Variants in PEX10 observed in about 807,000 individuals in gnomAD.
PEX10 encodes peroxisomal biogenesis factor 10.
A neutral mutation model predicts 38.0 loss-of-function variants in PEX10; 32 were observed. That is an observed-to-expected ratio of 0.84 (90% confidence interval 0.63 to 1.13). The LOEUF is 1.13. Ranked by LOEUF, PEX10 falls within the 50% of genes most tolerant of loss-of-function variation. The probability of loss-of-function intolerance (pLI) is 0.00; values close to 1 mark genes in which losing one functional copy is unlikely to be tolerated. For synonymous variants in PEX10, 206 were observed against 207.3 expected, an observed-to-expected ratio of 0.99 and a Z score of 0.05; for missense variants, 483 against 457.7, an observed-to-expected ratio of 1.06 and a Z score of -0.51.
rs1281302567 is a variant in PEX10, at chr1:2,410,032, AGGGCACTGTCACAC to A, written c.193+325_193+338del. On this transcript the variant is annotated intron_variant, in intron 2 of 5. Transcript: ENST00000447513. The surrounding 1 kb of genome is among the most constrained non-coding windows in gnomAD (Gnocchi z 5.1). Reference sequence around the variant, plus strand: ...GCCACAGACCCACCACTGCTCCACCAGGGCACTGTCACACGGGCACTGCACCCTATGACATGGCT... The same window carrying A: ...GCCACAGACCCACCACTGCTCCACCAGGGCACTGCACCCTATGACATGGCT... 4 of 356,988 alleles carry A rather than the reference AGGGCACTGTCACAC, an allele frequency of 1.1e-5. No homozygotes were observed. The Admixed American group carries it at 1.5e-4, about 14-fold the overall frequency. 22.1% of individuals were successfully genotyped at this position (356,988 alleles called of 1,614,324 possible). A position where few individuals can be genotyped will look rare whatever the true frequency, so the allele number is the denominator to read the frequency against.
At position 2,406,974 on chromosome 1, in the gene PEX10, C is replaced by T. The variant is rs1202019122; in HGVS notation, c.601-79G>A. On this transcript the variant is annotated intron_variant, in intron 3 of 5. Coordinates refer to ENST00000447513, the MANE Select transcript of PEX10 (RefSeq NM_002617.4). ...GCGCCTGCTGGGAGGGTCACACGTT[C>T]AGTTGGCACAGAGCACGTTAGAACC... 1.3e-6 allele frequency: 2 copies of T among 1,545,450 alleles called. No individual in the cohort carries two copies. The highest frequency in any genetic ancestry group is 1.4e-5 in the African/African-American group (1 of 73,050).
Position 2,405,198 on chromosome 1 carries a change from C to T in PEX10, c.*568G>A, listed in dbSNP as rs945561674. ...GAGGTGCTGGCCTTGGTTGGTTTCT[C>T]TCTGCCCCGTGTGGTCATCAAGTCC... On this transcript the variant is annotated 3_prime_UTR_variant, in exon 6 of 6. Transcript: ENST00000447513. 2 of 194,364 alleles carry T rather than the reference C, an allele frequency of 1.0e-5. No individual in the cohort carries two copies. The highest frequency in any genetic ancestry group is 2.4e-5 in the African/African-American group (1 of 42,260). The allele number at this position is 194,364 out of a possible 1,614,324, so 12.0% of individuals were successfully genotyped here.
chr1:2,409,978 C>T lies in PEX10; in HGVS notation c.193+393G>A, dbSNP rs980047274. 5.0e-5 allele frequency: 14 copies of T among 279,332 alleles called. No homozygotes were observed. The highest frequency in any genetic ancestry group is 1.0e-4 in the Non-Finnish European group (14 of 140,342). The allele number at this position is 279,332 out of a possible 1,614,324, so 17.3% of individuals were successfully genotyped here. A position where few individuals can be genotyped will look rare whatever the true frequency, so the allele number is the denominator to read the frequency against. On this transcript the variant is annotated intron_variant, in intron 2 of 5. Transcript: ENST00000447513. This position sits in a 1 kb window ranked among gnomAD's most constrained non-coding sequence, Gnocchi z 6.2. ...GGAGCCTGAGAGCTTCTGTCAACAA[C>T]TCCCTCTAAAGGGTGGTGACCAGCC...
At chr1:2,406,974 C>A in intron 3 of PEX10, 79 bp from the exon 4 acceptor site, 1 of 1,545,568 alleles carries the variant, frequency 6.5e-7, no homozygotes, top group South Asian at 1.2e-5. Context: ...GTCACACGTT[C>A]AGTTGGCACA....
chr1:2,408,676 G>T lies in PEX10; in HGVS notation c.376C>A (p.Pro126Thr), dbSNP rs774301205. 1 of 1,612,418 alleles carries T rather than the reference G, an allele frequency of 6.2e-7. No homozygotes were observed. ...ELQADPDSGR[P>T]LQGSLGPGGR... ...CCTGGCCCCAGGCTCCCCTGCAAGG[G>T]TCGCCCACTGTCGGGGTCAGCCTGC... Residue 126 changes from proline to threonine, a missense_variant, in exon 3 of 6, where the codon CCC (proline) becomes ACC (threonine). Pro to Thr is a conservative substitution (Grantham distance 38). Transcript: ENST00000447513.
In PEX10 at chr1:2,406,465, C is replaced by T; in HGVS notation, c.912+19G>A. ...ACAGCCGCTGACCACCCCAGGACGG[C>T]AGCAGGCTCCCACCTCACCTTGCTG... On this transcript the variant is annotated intron_variant, in intron 5 of 5. Transcript: ENST00000447513. 1 of 1,609,628 alleles carries T rather than the reference C, an allele frequency of 6.2e-7. No individual in the cohort carries two copies. The highest frequency in any genetic ancestry group is 8.5e-7 in the Non-Finnish European group (1 of 1,179,934).
chr1:2,405,659 CTG>C lies in PEX10; in HGVS notation c.*105_*106del, dbSNP rs1174504756. 2.1e-5 allele frequency: 21 copies of C among 1,021,514 alleles called. No homozygotes were observed. In the Admixed American group the frequency reaches 3.0e-4, roughly 14 times the overall value. The allele number at this position is 1,021,514 out of a possible 1,614,324, so 63.3% of individuals were successfully genotyped here. On this transcript the variant is annotated 3_prime_UTR_variant, in exon 6 of 6. Transcript: ENST00000447513. ...GGTTAGTATCTTACATGACAAAAAA[CTG>C]AGAGTGTTCTAACTTCTGTGCAAGC...
At chr1:2,412,288 G>T in intron 1 of PEX10, 103 bp downstream of exon 1, 3 of 1,250,014 alleles carry the variant, frequency 2.4e-6, no homozygotes, top group East Asian at 3.3e-5. Flanking sequence ...GTTGTGGGAC[G>T]GGCCCAGGCG....
rs773164888 is a variant in PEX10, at chr1:2,408,459, AT to A, written c.592del (p.Ile198SerfsTer14). Reference protein sequence around the residue: ...FYHLAKRLTGITYLRVRSLPG... With the variant: ...FYHLAKRLTGXTYLRVRSLPG... Reference sequence around the variant, plus strand: ...TCAGCGCCTGCTACTTACGTACGTGATCCCCGTGAGCCTCTTGGCCAGGTGG... The same window carrying A: ...TCAGCGCCTGCTACTTACGTACGTGACCCCGTGAGCCTCTTGGCCAGGTGG... On this transcript the variant is annotated frameshift_variant, in exon 3 of 6. Transcript: ENST00000447513. LOFTEE classifies it high-confidence loss of function. 1 of 1,612,984 alleles carries A rather than the reference AT, an allele frequency of 6.2e-7. No homozygotes were observed. Among genetic ancestry groups the A allele is most frequent in the Non-Finnish European group, 8.5e-7 (1 of 1,179,994 alleles).
upstream of PEX10, among the ~76,000 whole-genome samples, chr1:2,413,185 G>T (rs1643337984): frequency 6.6e-6 from 1 of 152,228 alleles, no homozygotes; most frequent in Admixed American, 6.5e-5. Flanking sequence ...GCACACGGCC[G>T]GCTTGGTGTG....
At position 2,412,476 on chromosome 1, in the gene PEX10, C is replaced by CG. The variant is rs1553232917; in HGVS notation, c.26dup (p.Glu10GlyfsTer41). 12 of 1,392,800 alleles carry CG rather than the reference C, an allele frequency of 8.6e-6. No individual in the cohort carries two copies. The highest frequency in any genetic ancestry group is 3.1e-5 in the South Asian group (2 of 63,656). The allele number at this position is 1,392,800 out of a possible 1,614,324, so 86.3% of individuals were successfully genotyped here. On this transcript the variant is annotated frameshift_variant, in exon 1 of 6. Transcript: ENST00000447513. LOFTEE classifies it high-confidence loss of function. ...CCTTCTGCGCCGCGCGGATCACCTCCGGGGGGCTGGCGGCGGCCGGGGCCA... is the reference window on the plus strand; with the variant it reads ...CCTTCTGCGCCGCGCGGATCACCTCCGGGGGGGCTGGCGGCGGCCGGGGCCA...
Position 2,405,288 on chromosome 1 carries a change from G to A in PEX10, c.*478C>T. The A allele has an allele frequency of 3.4e-6, 1 of 298,268 alleles. No homozygotes were observed. Among genetic ancestry groups the A allele is most frequent in the Non-Finnish European group, 6.5e-6 (1 of 153,920 alleles). 18.5% of individuals were successfully genotyped at this position (298,268 alleles called of 1,614,324 possible). A position where few individuals can be genotyped will look rare whatever the true frequency, so the allele number is the denominator to read the frequency against. ...GCGCCGCCTCCCATGGGGCCGTGGG[G>A]CTGCTGTTCTCACTGCACTGGCTGA... On this transcript the variant is annotated 3_prime_UTR_variant, in exon 6 of 6. Coordinates refer to ENST00000447513, the MANE Select transcript of PEX10 (RefSeq NM_002617.4).
chr1:2,412,052 A>C (rs542371595), intron 1 of PEX10, among the ~76,000 whole-genome samples: 1 of 152,224 alleles, frequency 6.6e-6, no homozygotes, highest in South Asian at 2.1e-4. Context: ...GCACTTGCCA[A>C]GGCCTCACAC....
At position 2,405,795 on chromosome 1, in the gene PEX10, T is replaced by G. The variant is rs762351770; in HGVS notation, c.952A>C (p.Lys318Gln). The G allele has an allele frequency of 2.5e-6, 4 of 1,603,360 alleles. No individual in the cohort carries two copies. Among genetic ancestry groups the G allele is most frequent in the Non-Finnish European group, 3.4e-6 (4 of 1,175,398 alleles). The change falls in exon 6 of 6, where the codon AAG becomes CAG. Residue 318 changes from lysine to glutamine, a missense_variant. By Grantham distance (53) the Lys-to-Gln change is moderately conservative. Transcript: ENST00000447513. The stretch of plus-strand genomic sequence containing the variant: ...CGGTAGTGCCGAAGGTAGATGAGCT[T>G]CTGGGGAGGGAACTTCTCCCGGCAG... The part of the protein sequence containing the change: ...PLCREKFPPQ[K>Q]LIYLRHYR
chr1:2,407,033 A>G, intron 3 of PEX10, 138 bp from the exon 4 acceptor site: 3 of 1,247,794 alleles, frequency 2.4e-6, no homozygotes, highest in Non-Finnish European at 3.4e-6. Flanking sequence ...TGCCCGGCAG[A>G]AACGATCAAG....
At position 2,410,484 on chromosome 1, in the gene PEX10, C is replaced by G; in HGVS notation, c.113-33G>C. ...GAGAAACAGTATTAGTCCGGGGGAG[C>G]TGGTGGGCATCCTCTGAGGATGAGG... On this transcript the variant is annotated intron_variant, in intron 1 of 5. Transcript: ENST00000447513. The surrounding 1 kb of genome is among the most constrained non-coding windows in gnomAD (Gnocchi z 5.1). 6.3e-7 allele frequency: 1 copy of G among 1,595,736 alleles called. No homozygotes were observed. Among genetic ancestry groups the G allele is most frequent in the Non-Finnish European group, 8.6e-7 (1 of 1,164,962 alleles).
chr1:2,408,360 G>A, intron 3 of PEX10, 92 bp downstream of exon 3: 2 of 1,363,940 alleles, frequency 1.5e-6, no homozygotes, highest in Non-Finnish European at 2.1e-6. Context: ...TTGGCTGAGA[G>A]GCCTGGAGGG....
rs1477758591 is a variant in PEX10, at chr1:2,406,602, C to G, written c.794G>C (p.Arg265Thr). The G allele has an allele frequency of 1.2e-6, 2 of 1,613,444 alleles. No individual in the cohort carries two copies. The highest frequency in any genetic ancestry group is 3.3e-5 in the Admixed American group (2 of 60,028). Residue 265 changes from arginine to threonine, a missense_variant, in exon 5 of 6, where the codon AGA (arginine) becomes ACA (threonine). Transcript: ENST00000447513. ...LSHRRASLEE[R>T]AVSRNPLCTL... The stretch of plus-strand genomic sequence containing the variant: ...GCACAGGGGGTTTCTGGAAACGGCT[C>G]TCTCCTCCAAGGAGGCCCTGGGGAA...
At position 2,405,563 on chromosome 1, in the gene PEX10, G is replaced by GCC; in HGVS notation, c.*202_*203insGG. On this transcript the variant is annotated 3_prime_UTR_variant, in exon 6 of 6. Transcript: ENST00000447513. ...GGTTGGGGTTAGGGAAATGTTCTGG[G>GCC]TTCAGGCGCCCCTCCCAGGGCTGAG... 5.8e-6 allele frequency: 4 copies of GCC among 686,120 alleles called. No individual in the cohort carries two copies. Among genetic ancestry groups the GCC allele is most frequent in the Non-Finnish European group, 8.0e-6 (3 of 375,666 alleles). 42.5% of individuals were successfully genotyped at this position (686,120 alleles called of 1,614,324 possible).
Sources: allele counts gnomAD v4.1 joint callset (sites outside exome capture counted in the v4.1 genomes callset), GRCh38; gene constraint gnomAD v4.1.1; non-coding constraint Gnocchi (gnomAD v3.1); transcripts MANE v1.5; gene names NCBI Gene and HGNC (gene_info 2026-07-23, HGNC 2026-07-21).